KLHL14: variants seen among roughly 807,000 people sequenced by gnomAD.
The protein encoded by KLHL14 is kelch-like protein 14.
In KLHL14, 22 loss-of-function variants were observed where a neutral mutation model predicts 64.3. The observed-to-expected ratio is 0.34, with a 90% CI of 0.24 to 0.49. The LOEUF is 0.49. KLHL14 is among the 20% of genes least tolerant of loss of function. The pLI is 0.99. For missense variants in KLHL14, 661 were observed against 789.0 expected (o/e 0.84, Z 1.94); for synonymous variants, 322 against 333.4 (o/e 0.97, Z 0.37).
chr18:32,759,674 T>G (rs968881393), intron 2 of KLHL14, among the ~76,000 whole-genome samples: 102 of 150,620 alleles, frequency 6.8e-4, no homozygotes, highest in African/African-American at 2.2e-3. Flanking sequence ...ATACAGCTGT[T>G]TTAAGATATC....
At chr18:32,758,543 T>C (rs892817241) in intron 2 of KLHL14, among the ~76,000 whole-genome samples, 1 of 152,180 alleles carries the variant, frequency 6.6e-6, no homozygotes, top group South Asian at 2.1e-4. Context: ...AATATTTGTT[T>C]AATGTTAACT....
Position 32,685,085 on chromosome 18 carries a change from A to G in KLHL14, c.1238+2070T>C, listed in dbSNP as rs200364436. ...TACCAGGGACCTGACATGATATACCATAATGACTTAGAAAGAAACGTTAAA... is the reference window on the plus strand; with the variant it reads ...TACCAGGGACCTGACATGATATACCGTAATGACTTAGAAAGAAACGTTAAA... On this transcript the variant is annotated intron_variant, in intron 5 of 8. Transcript: ENST00000359358. Among the ~76,000 whole-genome samples the G allele has an allele frequency of 7.2e-5, 11 of 152,254 alleles. No homozygotes were observed. The East Asian group carries it at 1.9e-3, about 27-fold the overall frequency.
intron 3 of KLHL14, among the ~76,000 whole-genome samples, chr18:32,717,812 G>C (rs949104305): frequency 6.6e-6 from 1 of 152,148 alleles, no homozygotes; most frequent in Admixed American, 6.5e-5. Context: ...TCATGTGCCA[G>C]GCACAAGTCT....
chr18:32,674,480 A>G lies in KLHL14; in HGVS notation c.*177T>C, dbSNP rs2049800899. On this transcript the variant is annotated 3_prime_UTR_variant, in exon 9 of 9. Transcript: ENST00000359358. ...AAGTTTGGTGCGATCTGAGTTATAG[A>G]CATAGTATCTGTTCAAGAACAGGTC... 3.7e-6 allele frequency: 2 copies of G among 546,136 alleles called. No individual in the cohort carries two copies. Among genetic ancestry groups the G allele is most frequent in the African/African-American group, 1.8e-5 (1 of 54,348 alleles). The allele number at this position is 546,136 out of a possible 1,614,324, so 33.8% of individuals were successfully genotyped here.
chr18:32,734,130 G>C, intron 3 of KLHL14: 1 of 702,610 alleles, frequency 1.4e-6, no homozygotes. Flanking sequence ...TTGATGTCTA[G>C]TAGTATAATT....
intron 3 of KLHL14, among the ~76,000 whole-genome samples, chr18:32,724,657 C>T (rs1035993334): frequency 1.3e-5 from 2 of 152,154 alleles, no homozygotes; most frequent in Admixed American, 1.3e-4. Context: ...GCACAGAGCA[C>T]AATGTCTTGT....
intron 3 of KLHL14, among the ~76,000 whole-genome samples, chr18:32,726,786 G>A (rs1278900734): frequency 6.6e-6 from 1 of 152,114 alleles, no homozygotes; most frequent in East Asian, 1.9e-4. Context: ...CTGCAACCGA[G>A]AAGACCTCAG....
At chr18:32,708,600 GC>G (rs766109811) in intron 3 of KLHL14, among the ~76,000 whole-genome samples, 39 of 152,054 alleles carry the variant, frequency 2.6e-4, no homozygotes, top group Non-Finnish European at 4.4e-4. Context: ...CCTTCTAGCT[GC>G]CCCTTCTAGA....
intron 3 of KLHL14, among the ~76,000 whole-genome samples, chr18:32,697,421 C>T (rs950533252): frequency 2.6e-5 from 4 of 152,176 alleles, no homozygotes; most frequent in African/African-American, 9.7e-5. Flanking sequence ...TAATTGTCAG[C>T]TGTATGCATC....
chr18:32,719,073 C>T (rs756673060), intron 3 of KLHL14, among the ~76,000 whole-genome samples: 12 of 152,164 alleles, frequency 7.9e-5, no homozygotes, highest in East Asian at 1.9e-4. Flanking sequence ...CTCAGCCTCC[C>T]GAGTAGCTGG....
chr18:32,757,341 G>T (rs2050287200), intron 2 of KLHL14, among the ~76,000 whole-genome samples: 1 of 152,188 alleles, frequency 6.6e-6, no homozygotes, highest in Admixed American at 6.5e-5. Context: ...GATGAAACTG[G>T]ATAAGTTATT....
At chr18:32,711,103 A>C (rs914091765) in intron 3 of KLHL14, among the ~76,000 whole-genome samples, 3 of 152,180 alleles carry the variant, frequency 2.0e-5, no homozygotes, top group Non-Finnish European at 2.9e-5. Context: ...GCCAAAATAA[A>C]AAAGCCATCA....
chr18:32,693,401 CACACACACACACAGAGAGAGAG>C (rs2049919285), intron 4 of KLHL14, among the ~76,000 whole-genome samples: 1 of 120,934 alleles, frequency 8.3e-6, no homozygotes. Flanking sequence ...CACACACACA[CACACACACACACAGAGAGAGAG>C]AGAGAGAGAG....
At chr18:32,677,007 A>G (rs1276827483) in intron 8 of KLHL14, among the ~76,000 whole-genome samples, 166 bp downstream of exon 8, 1 of 152,188 alleles carries the variant, frequency 6.6e-6, no homozygotes, top group African/African-American at 2.4e-5. Flanking sequence ...AGCCAGTTCA[A>G]CAGCCACCAG....
At chr18:32,696,019 C>T (rs781035200) in intron 3 of KLHL14, among the ~76,000 whole-genome samples, 16 of 152,100 alleles carry the variant, frequency 1.1e-4, no homozygotes, top group South Asian at 2.1e-4. Flanking sequence ...GGTGCTTGGT[C>T]GCTTTCTATT....
intron 3 of KLHL14, chr18:32,738,505 T>C (rs1232373782): frequency 2.0e-5 from 3 of 152,186 alleles, no homozygotes; most frequent in African/African-American, 4.8e-5. Context: ...GCCAAACTTA[T>C]AATGTTATTA....
intron 5 of KLHL14, among the ~76,000 whole-genome samples, chr18:32,682,710 T>C (rs76632411): frequency 0.071 from 10,792 of 152,286 alleles, 527 homozygotes; most frequent in East Asian, 0.15. Flanking sequence ...TCAGTTACTT[T>C]CTCATTGAAT....
intron 5 of KLHL14, 113 bp downstream of exon 5, chr18:32,687,042 C>T (rs2049882705): frequency 1.2e-6 from 1 of 838,936 alleles, no homozygotes. Flanking sequence ...TATTTTGCCT[C>T]ATATGTCTTT....
At chr18:32,684,468 C>A (rs533687782) in intron 5 of KLHL14, among the ~76,000 whole-genome samples, 1 of 152,266 alleles carries the variant, frequency 6.6e-6, no homozygotes, top group East Asian at 1.9e-4. Context: ...AATCTTGCAG[C>A]TCCATCTCTC....
Sources: allele counts gnomAD v4.1 joint callset (sites outside exome capture counted in the v4.1 genomes callset), GRCh38; gene constraint gnomAD v4.1.1; transcripts MANE v1.5; gene names NCBI Gene and HGNC (gene_info 2026-07-23, HGNC 2026-07-21).